The following KRT72 variants were observed in gnomAD, a reference collection of about 807,000 sequenced individuals.
KRT72 encodes keratin, type II cytoskeletal 72.
A neutral mutation model predicts 44.7 loss-of-function variants in KRT72; 44 were observed. That is an observed-to-expected ratio of 0.98 (90% CI 0.77 to 1.27). The LOEUF is 1.27. Among genes scored for constraint, KRT72 ranks in the 50% most tolerant of loss-of-function variants. The probability of loss-of-function intolerance (pLI) is 0.00; values close to 1 mark genes in which losing one functional copy is unlikely to be tolerated. For missense variants in KRT72, 736 were observed against 667.1 expected (o/e 1.10, Z -1.14); for synonymous variants, 302 against 280.4 (o/e 1.08, Z -0.77).
chr12:52,589,381 C>A (rs1939907334), intron 6 of KRT72, among the ~76,000 whole-genome samples: 1 of 152,150 alleles, frequency 6.6e-6, no homozygotes, highest in Non-Finnish European at 1.5e-5. Context: ...CCACAGAAAA[C>A]CCTGCCCCAC....
intron 2 of KRT72, among the ~76,000 whole-genome samples, chr12:52,593,938 C>A (rs921303195): frequency 6.6e-6 from 1 of 152,034 alleles, no homozygotes; most frequent in African/African-American, 2.4e-5. Flanking sequence ...AGATGGAAAG[C>A]GTGTTCTGGA....
At position 52,586,151 on chromosome 12, in the gene KRT72, G is replaced by A. The variant is rs1592219571; in HGVS notation, c.1367C>T (p.Ala456Val). 5 of 1,613,934 alleles carry A rather than the reference G, an allele frequency of 3.1e-6. No homozygotes were observed. The highest frequency in any genetic ancestry group is 4.2e-6 in the Non-Finnish European group (5 of 1,179,942). The change falls in exon 9 of 9, where the codon GCT becomes GTT. Residue 456 changes from alanine to valine, a missense_variant. Transcript: ENST00000293745. ...VSISVISSTNAGAGGAGFSMG... is the reference protein window; with the variant it reads ...VSISVISSTNVGAGGAGFSMG... ...GCTGAAGCCAGCCCCTCCTGCCCCA[G>A]CATTGGTGCTGCTGATGACGGCTGG...
intron 2 of KRT72, among the ~76,000 whole-genome samples, chr12:52,597,028 A>C (rs1024223970): frequency 4.6e-5 from 7 of 152,228 alleles, no homozygotes; most frequent in African/African-American, 1.7e-4. Context: ...TTGGCTTTTT[A>C]GATGAAGGGT....
At chr12:52,595,351 A>G (rs1008498124) in intron 2 of KRT72, among the ~76,000 whole-genome samples, 3 of 152,176 alleles carry the variant, frequency 2.0e-5, no homozygotes, top group African/African-American at 7.2e-5. Flanking sequence ...AAATAGTTAT[A>G]TTAGTTATAT....
Position 52,599,055 on chromosome 12 carries a change from G to A in KRT72, c.484C>T (p.Gln162Ter), listed in dbSNP as rs1212870323. ...TTCCTGCAGTTGTTCAAGTCCAGCTGCTGTAGGAGGTTCCACTTGGTCTCT... is the reference window on the plus strand; with the variant it reads ...TTCCTGCAGTTGTTCAAGTCCAGCTACTGTAGGAGGTTCCACTTGGTCTCT... Reference protein sequence around the residue: ...VLETKWNLLQQLDLNNCRKNL... With the variant: ...VLETKWNLLQ Residue 162 changes from glutamine (Q) to a stop codon, truncating the protein, a stop_gained, in exon 2 of 9, where the codon CAG (glutamine) becomes TAG (stop). Coordinates refer to ENST00000293745, the MANE Select transcript of KRT72 (RefSeq NM_080747.3). LOFTEE classifies it high-confidence loss of function. 5.0e-6 allele frequency: 8 copies of A among 1,614,070 alleles called. No individual in the cohort carries two copies. The highest frequency in any genetic ancestry group is 6.8e-6 in the Non-Finnish European group (8 of 1,180,022).
At chr12:52,596,770 C>T (rs778329200) in intron 2 of KRT72, among the ~76,000 whole-genome samples, 3 of 151,956 alleles carry the variant, frequency 2.0e-5, no homozygotes, top group Non-Finnish European at 2.9e-5. Flanking sequence ...CAGCTGGCCT[C>T]GAACTCTTGA....
At chr12:52,588,127 C>T (rs1939853802) in intron 6 of KRT72, among the ~76,000 whole-genome samples, 1 of 152,194 alleles carries the variant, frequency 6.6e-6, no homozygotes, top group Non-Finnish European at 1.5e-5. Flanking sequence ...GCACATGGCC[C>T]CTGCCCTCTC....
rs959831702 is a variant in KRT72, at chr12:52,586,015, C to A, written c.1503G>T (p.Gly501=). 1.9e-6 allele frequency: 3 copies of A among 1,613,834 alleles called. No homozygotes were observed. The highest frequency in any genetic ancestry group is 2.7e-5 in the African/African-American group (2 of 74,928). Residue 501 remains glycine, a synonymous_variant, in exon 9 of 9, where the codon GGG becomes GGT. Transcript: ENST00000293745. ...ELKDPLAKTS[G]SSCATKKASR ...AGGCCTTTTTGGTGGCACAGCTGCT[C>A]CCCGAGGTTTTGGCAAGGGGATCCT... is the stretch of plus-strand genomic sequence containing the variant.
chr12:52,601,786 A>G (rs574314012), upstream of KRT72, among the ~76,000 whole-genome samples: 13 of 151,892 alleles, frequency 8.6e-5, no homozygotes, highest in African/African-American at 2.9e-4. Flanking sequence ...TGGGGTTATC[A>G]CTCCCAAGAT....
chr12:52,590,214 C>T (rs1238402813), intron 6 of KRT72, among the ~76,000 whole-genome samples: 1 of 152,152 alleles, frequency 6.6e-6, no homozygotes, highest in Non-Finnish European at 1.5e-5. Context: ...AGGGGGACCT[C>T]GGTGCAGTGT....
At chr12:52,589,050 G>T (rs898525176) in intron 6 of KRT72, among the ~76,000 whole-genome samples, 1 of 151,990 alleles carries the variant, frequency 6.6e-6, no homozygotes, top group African/African-American at 2.4e-5. Flanking sequence ...AGATAGCTTT[G>T]CATAACTGCA....
rs771500164 is a variant in KRT72 at position 52,585,966 on chromosome 12, G to A, written c.*16C>T. The A allele has an allele frequency of 9.3e-6, 15 of 1,607,530 alleles. No homozygotes were observed. In the South Asian group the frequency reaches 1.4e-4, roughly 15 times the overall value. ...AGTTGGGAAGCCTTCTGCTCACAGA[G>A]CCAACCACTTGTCCATCATCTGGAG... is the stretch of plus-strand genomic sequence containing the variant. On this transcript the variant is annotated 3_prime_UTR_variant, in exon 9 of 9. Transcript: ENST00000293745.
rs544923819 is a variant in KRT72 at position 52,600,426 on chromosome 12, T to C, written c.426+601A>G. ...GTCTCATGCAAGAAAGAAATGAAGG[T>C]CCTTGATACGTTTTGGCTGTGTCCC... On this transcript the variant is annotated intron_variant, in intron 1 of 8. Transcript: ENST00000293745. Among the ~76,000 whole-genome samples the C allele has an allele frequency of 2.9e-4, 44 of 152,250 alleles. 1 individual carries two copies. Among genetic ancestry groups the C allele is most frequent in the African/African-American group, 1.0e-3 (43 of 41,524 alleles).
At chr12:52,594,266 C>G (rs1051618830) in intron 2 of KRT72, among the ~76,000 whole-genome samples, 1 of 152,128 alleles carries the variant, frequency 6.6e-6, no homozygotes, top group Admixed American at 6.5e-5. Flanking sequence ...CGGGTATATA[C>G]TCAAAGGATT....
chr12:52,587,767 G>T lies in KRT72; in HGVS notation c.1174C>A (p.Leu392Met), dbSNP rs1303979291. ...TTGGCCTGGTGCAGGGCGCCCTCCA[G>T]CTCATCCAGCTTGGCCCGGGCATCT... ...LKDARAKLDE[L>M]EGALHQAKEE... The change falls in exon 7 of 9, where the codon CTG becomes ATG. Residue 392 changes from leucine (L) to methionine (M), a missense_variant. Physicochemically the swap from Leu to Met is conservative, Grantham distance 15. Transcript: ENST00000293745. The T allele has an allele frequency of 1.9e-6, 3 of 1,614,194 alleles. No individual in the cohort carries two copies. Among genetic ancestry groups the T allele is most frequent in the Non-Finnish European group, 2.5e-6 (3 of 1,180,044 alleles).
chr12:52,599,109 G>T lies in KRT72; in HGVS notation c.430C>A (p.Arg144=), dbSNP rs770174500. Residue 144 remains arginine, a synonymous_variant, in exon 2 of 9, where the codon CGG becomes AGG. Transcript: ENST00000293745. ...NKFASFIDKV[R]FLEQQNQVLE... Reference sequence around the variant, plus strand: ...ACCTGATTCTGCTGCTCCAGGAACCGCACCTGGAACCCAAAGGCAGTCATC... The same window carrying T: ...ACCTGATTCTGCTGCTCCAGGAACCTCACCTGGAACCCAAAGGCAGTCATC... 3 of 1,613,934 alleles carry T rather than the reference G, an allele frequency of 1.9e-6. No individual in the cohort carries two copies. The highest frequency in any genetic ancestry group is 1.7e-5 in the Admixed American group (1 of 60,010).
rs1940449177 is a variant in KRT72, at chr12:52,601,365, T to G, written c.88A>C (p.Ser30Arg). The change falls in exon 1 of 9, where the codon AGC becomes CGC. Residue 30 changes from serine (S) to arginine (R), a missense_variant. Transcript: ENST00000293745. ...ACCCGGGCCCGGAATGAGGCGGAGC[T>G]GCTGCCGATCCCGCCAGAGAGGACC... is the stretch of plus-strand genomic sequence containing the variant. ...SAVLSGGIGS[S>R]SASFRARVKG... 4 of 1,543,536 alleles carry G rather than the reference T, an allele frequency of 2.6e-6. No individual in the cohort carries two copies. The East Asian group carries it at 9.8e-5, about 38-fold the overall frequency.
chr12:52,590,746 G>A (rs1939972708), intron 6 of KRT72, 90 bp downstream of exon 6: 2 of 1,281,440 alleles, frequency 1.6e-6, no homozygotes, highest in Admixed American at 2.1e-5. Context: ...CCCTAAGGAG[G>A]GCACTGTGTT....
intron 2 of KRT72, among the ~76,000 whole-genome samples, chr12:52,594,715 C>G (rs1009201902): frequency 6.6e-6 from 1 of 152,042 alleles, no homozygotes; most frequent in African/African-American, 2.4e-5. Flanking sequence ...CAAACCTGCA[C>G]GTTGTGCAAA....
Sources: allele counts gnomAD v4.1 joint callset (sites outside exome capture counted in the v4.1 genomes callset), GRCh38; gene constraint gnomAD v4.1.1; transcripts MANE v1.5; gene names NCBI Gene and HGNC (gene_info 2026-07-23, HGNC 2026-07-21).